Variants in OPRPN observed in about 807,000 individuals in gnomAD.
The protein encoded by OPRPN is opiorphin prepropeptide, also known as basic proline-rich lacrimal protein.
In OPRPN, 1 loss-of-function variant was observed where a neutral mutation model predicts 2.2. That is an observed-to-expected ratio of 0.45 (90% confidence interval 0.16 to 2.15). OPRPN has a LOEUF of 2.15. Ranked by LOEUF, OPRPN falls within the 30% of genes most tolerant of loss-of-function variation. OPRPN has a pLI of 0.28. For synonymous variants in OPRPN, 126 were observed against 111.5 expected (o/e 1.13, Z -0.82); for missense variants, 306 against 297.3 (o/e 1.03, Z -0.21).
chr4:70,403,901 A>G (rs1397033528), intron 2 of OPRPN, among the ~76,000 whole-genome samples: 1 of 152,168 alleles, frequency 6.6e-6, no homozygotes, highest in East Asian at 1.9e-4. Flanking sequence ...ATTATCCTGC[A>G]ATTATCTACT....
Position 70,409,902 on chromosome 4 carries a change from A to G in OPRPN, c.574A>G (p.Ile192Val). 1 of 1,614,026 alleles carries G rather than the reference A, an allele frequency of 6.2e-7. No individual in the cohort carries two copies. The highest frequency in any genetic ancestry group is 8.5e-7 in the Non-Finnish European group (1 of 1,179,980). Residue 192 changes from isoleucine to valine, a missense_variant, in exon 3 of 3, where the codon ATA becomes GTA. Physicochemically the swap from Ile to Val is conservative, Grantham distance 29 (BLOSUM62 3). Transcript: ENST00000399575. ...ISSTPEPATS[I>V]SAATPAASTE... ...TTCAACACCAGAGCCTGCCACCTCC[A>G]TATCAGCAGCAACCCCCGCAGCATC...
chr4:70,406,911 A>G (rs1207905964), intron 2 of OPRPN, among the ~76,000 whole-genome samples: 1 of 152,136 alleles, frequency 6.6e-6, no homozygotes, highest in East Asian at 1.9e-4. Flanking sequence ...GGTTCTCAAT[A>G]AATGTTTTCT....
rs1342275684 is a variant in OPRPN at position 70,399,253 on chromosome 4, T to C, written c.-15-18T>C. On this transcript the variant is annotated intron_variant, in intron 1 of 2. Coordinates refer to ENST00000399575, the MANE Select transcript of OPRPN (RefSeq NM_021225.5). The stretch of plus-strand genomic sequence containing the variant: ...GATCGATTTGGCTAACTGTGGATAA[T>C]CTTTGGCCTGTTTGTAGGAGCAACT... The C allele has an allele frequency of 1.3e-6, 2 of 1,573,474 alleles. No homozygotes were observed. Among genetic ancestry groups the C allele is most frequent in the East Asian group, 2.2e-5 (1 of 44,578 alleles).
intron 2 of OPRPN, among the ~76,000 whole-genome samples, chr4:70,408,836 A>G (rs979478486): frequency 1.3e-5 from 2 of 152,146 alleles, no homozygotes; most frequent in African/African-American, 4.8e-5. Context: ...ATTGCCTTGT[A>G]TTGTCATTGG....
chr4:70,401,553 G>A (rs1029888373), intron 2 of OPRPN, among the ~76,000 whole-genome samples: 1 of 151,950 alleles, frequency 6.6e-6, no homozygotes, highest in Non-Finnish European at 1.5e-5. Flanking sequence ...AAAAACCCAG[G>A]AACTATTTGG....
intron 2 of OPRPN, 180 bp downstream of exon 2, chr4:70,399,516 C>A (rs528135996): frequency 1.1e-5 from 6 of 540,044 alleles, no homozygotes; most frequent in Non-Finnish European, 2.0e-5. Context: ...ATCTAGTCAG[C>A]GGTTGCTAAG....
At chr4:70,406,578 A>C (rs1000493427) in intron 2 of OPRPN, among the ~76,000 whole-genome samples, 1 of 152,174 alleles carries the variant, frequency 6.6e-6, no homozygotes, top group Non-Finnish European at 1.5e-5. Context: ...AGAGCTTGCC[A>C]AGTGAATGGA....
At chr4:70,399,821 G>A (rs1171291312) in intron 2 of OPRPN, among the ~76,000 whole-genome samples, 3 of 151,760 alleles carry the variant, frequency 2.0e-5, no homozygotes, top group Non-Finnish European at 4.4e-5. Flanking sequence ...ACTAAAATCA[G>A]GAAGCCTTTC....
intron 2 of OPRPN, among the ~76,000 whole-genome samples, chr4:70,405,329 CA>C (rs754115871): frequency 4.5e-4 from 69 of 152,252 alleles, no homozygotes; most frequent in Non-Finnish European, 1.2e-4. Context: ...GAATGGAGAT[CA>C]GGGGTCAGCT....
Position 70,409,364 on chromosome 4 carries a change from G to A in OPRPN, c.52-16G>A. 1.3e-6 allele frequency: 2 copies of A among 1,559,524 alleles called. No individual in the cohort carries two copies. Among genetic ancestry groups the A allele is most frequent in the Non-Finnish European group, 1.7e-6 (2 of 1,157,616 alleles). ...TTTAGAAATTTTGTTTTTTACCTTTGTTTTTATCTCCACAGCCCAGTGAGA... is the reference window on the plus strand; with the variant it reads ...TTTAGAAATTTTGTTTTTTACCTTTATTTTTATCTCCACAGCCCAGTGAGA... On this transcript the variant is annotated splice_polypyrimidine_tract_variant and intron_variant, in intron 2 of 2. Transcript: ENST00000399575.
chr4:70,401,085 G>A (rs1014646671), intron 2 of OPRPN, among the ~76,000 whole-genome samples: 2 of 151,956 alleles, frequency 1.3e-5, no homozygotes, highest in African/African-American at 4.8e-5. Context: ...GGATTCATAT[G>A]AATTAATGGC....
intron 2 of OPRPN, among the ~76,000 whole-genome samples, chr4:70,400,069 GA>G (rs1732939561): frequency 6.6e-6 from 1 of 151,902 alleles, no homozygotes; most frequent in East Asian, 1.9e-4. Context: ...AGCATGATAC[GA>G]ATTTCAGAGT....
chr4:70,405,444 T>A (rs1451497443), intron 2 of OPRPN, among the ~76,000 whole-genome samples: 3 of 152,198 alleles, frequency 2.0e-5, no homozygotes, highest in Non-Finnish European at 1.5e-5. Flanking sequence ...TCCATGACAC[T>A]GTACCATCTG....
At chr4:70,400,200 T>A (rs1732945413) in intron 2 of OPRPN, among the ~76,000 whole-genome samples, 1 of 151,900 alleles carries the variant, frequency 6.6e-6, no homozygotes, top group Admixed American at 6.6e-5. Context: ...CTAGTGGTGG[T>A]TGATACAGAA....
At chr4:70,399,200 T>TA (rs1432133867) in intron 1 of OPRPN, 71 bp from the exon 2 acceptor site, 1 of 1,108,182 alleles carries the variant, frequency 9.0e-7, no homozygotes, top group South Asian at 1.4e-5. Flanking sequence ...TAAAATGTTT[T>TA]AAAAAATTTT....
At position 70,409,915 on chromosome 4, in the gene OPRPN, C is replaced by A; in HGVS notation, c.587C>A (p.Thr196Asn). 2 of 1,613,340 alleles carry A rather than the reference C, an allele frequency of 1.2e-6. No homozygotes were observed. Among genetic ancestry groups the A allele is most frequent in the Non-Finnish European group, 1.7e-6 (2 of 1,179,944 alleles). The change falls in exon 3 of 3, where the codon ACC becomes AAC. Residue 196 changes from threonine to asparagine, a missense_variant. Transcript: ENST00000399575. The part of the protein sequence containing the change: ...PEPATSISAA[T>N]PAASTENTTQ... ...CCTGCCACCTCCATATCAGCAGCAA[C>A]CCCCGCAGCATCTACTGAAAATACT...
At chr4:70,402,221 T>A (rs1379227961) in intron 2 of OPRPN, among the ~76,000 whole-genome samples, 1 of 152,158 alleles carries the variant, frequency 6.6e-6, no homozygotes, top group South Asian at 2.1e-4. Flanking sequence ...ATCCAGTAGG[T>A]CTGCCTGAGC....
At chr4:70,408,630 T>C (rs1733140664) in intron 2 of OPRPN, among the ~76,000 whole-genome samples, 1 of 152,220 alleles carries the variant, frequency 6.6e-6, no homozygotes, top group Non-Finnish European at 1.5e-5. Flanking sequence ...TGTATAATCC[T>C]ATCTACCACT....
chr4:70,406,704 A>C (rs1204688461), intron 2 of OPRPN, among the ~76,000 whole-genome samples: 1 of 152,130 alleles, frequency 6.6e-6, no homozygotes, highest in Non-Finnish European at 1.5e-5. Context: ...ACATGGCCAG[A>C]GTGAGGATAA....
Sources: gnomAD v4.1 joint callset for allele counts (sites outside exome capture counted in the v4.1 genomes callset) on GRCh38, gnomAD v4.1.1 for gene constraint, MANE v1.5 for transcripts, NCBI Gene and HGNC (gene_info 2026-07-23, HGNC 2026-07-21) for gene names.